The following MALL variants were observed in gnomAD, a reference collection of about 807,000 sequenced individuals.
MALL encodes the protein MAL-like protein.
A neutral mutation model predicts 10.3 loss-of-function variants in MALL; 2 were observed. The observed-to-expected ratio is 0.19, with a 90% CI of 0.08 to 0.61. MALL has a LOEUF of 0.61. Ranked by LOEUF, MALL falls within the 20% of genes least tolerant of loss-of-function variation. MALL has a pLI of 0.88. For missense variants in MALL, 39 were observed against 115.2 expected (o/e 0.34, Z 3.03); for synonymous variants, 27 against 51.8 (o/e 0.52, Z 2.05).
At chr2:110,104,154 A>G (rs1253728287) in intron 1 of MALL, among the ~76,000 whole-genome samples, 1 of 152,128 alleles carries the variant, frequency 6.6e-6, no homozygotes, top group Admixed American at 6.5e-5. Flanking sequence ...AGACAGAGAC[A>G]GCTTCATCTA....
intron 1 of MALL, among the ~76,000 whole-genome samples, chr2:110,095,811 C>T (rs1210011339): frequency 6.6e-6 from 1 of 152,036 alleles, no homozygotes; most frequent in Non-Finnish European, 1.5e-5. Context: ...GATGTTACCA[C>T]ACCAGATAGT....
At chr2:110,113,396 C>A (rs1312437889) in intron 1 of MALL, among the ~76,000 whole-genome samples, 2 of 145,776 alleles carry the variant, frequency 1.4e-5, no homozygotes, top group African/African-American at 5.1e-5. Context: ...CAAGATCGCG[C>A]CACTGCACTC....
intron 1 of MALL, among the ~76,000 whole-genome samples, chr2:110,100,749 C>A (rs996261267): frequency 6.6e-6 from 1 of 152,288 alleles, no homozygotes; most frequent in Non-Finnish European, 1.5e-5. Flanking sequence ...CCAGCACAGG[C>A]CCCAGCCTGG....
chr2:110,117,770 T>C (rs1678951486), upstream of MALL, among the ~76,000 whole-genome samples: 1 of 151,974 alleles, frequency 6.6e-6, no homozygotes, highest in African/African-American at 2.4e-5. Context: ...GCTACTTCCA[T>C]TGCCACCACC....
upstream of MALL, among the ~76,000 whole-genome samples, chr2:110,117,640 A>T (rs1406457578): frequency 2.8e-3 from 416 of 150,976 alleles, 1 homozygote; most frequent in African/African-American, 9.2e-3. Flanking sequence ...AGAGAGAGAG[A>T]GAGAGAGAGA....
intron 1 of MALL, among the ~76,000 whole-genome samples, chr2:110,113,230 G>A (rs1678843147): frequency 6.6e-6 from 1 of 151,274 alleles, no homozygotes; most frequent in South Asian, 2.1e-4. Context: ...GAGGTCAGGA[G>A]TTAGACCATC....
intron 1 of MALL, among the ~76,000 whole-genome samples, chr2:110,103,548 T>C (rs12477042): frequency 0.84 from 128,230 of 152,176 alleles, 56,462 homozygotes; most frequent in South Asian, 0.98. Flanking sequence ...GGAAAGTTCT[T>C]CAGGGAGACA....
intron 1 of MALL, among the ~76,000 whole-genome samples, chr2:110,100,827 C>T (rs764937319): frequency 2.0e-5 from 3 of 152,158 alleles, no homozygotes; most frequent in Admixed American, 6.5e-5. Flanking sequence ...GAGTGGGAGC[C>T]GCTGAGGAAG....
chr2:110,115,843 G>T, upstream of MALL: 1 of 807,580 alleles, frequency 1.2e-6, no homozygotes, highest in Non-Finnish European at 1.7e-6. Flanking sequence ...CGCGCAGCCT[G>T]TCAAATATCA....
At chr2:110,115,642 C>T in intron 1 of MALL, 46 bp downstream of exon 1, 1 of 1,121,950 alleles carries the variant, frequency 8.9e-7, no homozygotes, top group Non-Finnish European at 1.1e-6. Context: ...GGCCGGTCTC[C>T]CCCTCCCTCT....
At chr2:110,117,702 T>G (rs1348103083), upstream of MALL, among the ~76,000 whole-genome samples, 3 of 151,650 alleles carry the variant, frequency 2.0e-5, no homozygotes, top group East Asian at 3.9e-4. Context: ...AGGATCATGG[T>G]TCCTCTGATC....
At chr2:110,095,527 G>T (rs1277462195) in intron 1 of MALL, among the ~76,000 whole-genome samples, 2 of 151,788 alleles carry the variant, frequency 1.3e-5, no homozygotes, top group Non-Finnish European at 2.9e-5. Flanking sequence ...AGAACATGAA[G>T]AGCTCCTTCA....
At chr2:110,117,620 TGTGTGAGAGAGAGA>T (rs1189067280), upstream of MALL, among the ~76,000 whole-genome samples, 3 of 133,380 alleles carry the variant, frequency 2.2e-5, no homozygotes, top group South Asian at 2.5e-4. Flanking sequence ...TGTGTGTGTG[TGTGTGAGAGAGAGA>T]GAGAGAGAGA....
intron 1 of MALL, among the ~76,000 whole-genome samples, chr2:110,111,379 A>G (rs1678798544): frequency 6.6e-6 from 1 of 152,164 alleles, no homozygotes; most frequent in African/African-American, 2.4e-5. Context: ...AAGTTTCTGG[A>G]TACAAGATTA....
At chr2:110,109,977 C>A (rs1366759595) in intron 1 of MALL, among the ~76,000 whole-genome samples, 1 of 151,988 alleles carries the variant, frequency 6.6e-6, no homozygotes, top group Non-Finnish European at 1.5e-5. Flanking sequence ...AGCATTGAGT[C>A]AAAAACAAAA....
intron 1 of MALL, among the ~76,000 whole-genome samples, chr2:110,102,200 A>T (rs1444942004): frequency 6.6e-6 from 1 of 152,236 alleles, no homozygotes; most frequent in African/African-American, 2.4e-5. Context: ...CGGGTCACTT[A>T]GTTCTGGTTG....
intron 1 of MALL, among the ~76,000 whole-genome samples, chr2:110,108,189 C>A (rs1393997655): frequency 6.6e-6 from 1 of 151,968 alleles, no homozygotes; most frequent in Non-Finnish European, 1.5e-5. Flanking sequence ...AGAAGAAATC[C>A]CTGATTCACC....
At chr2:110,109,488 C>T (rs933989577) in intron 1 of MALL, among the ~76,000 whole-genome samples, 35 of 152,008 alleles carry the variant, frequency 2.3e-4, no homozygotes, top group South Asian at 4.1e-4. Flanking sequence ...AGGCCTTGTC[C>T]GACAGAAAAA....
chr2:110,107,064 G>A (rs1031904841), intron 1 of MALL, among the ~76,000 whole-genome samples: 1 of 151,724 alleles, frequency 6.6e-6, no homozygotes, highest in Non-Finnish European at 1.5e-5. Context: ...TTGTTCAGGA[G>A]GGGGTGAGGG....
Sources: allele counts gnomAD v4.1 joint callset (sites outside exome capture counted in the v4.1 genomes callset), GRCh38; gene constraint gnomAD v4.1.1; transcripts MANE v1.5; gene names NCBI Gene and HGNC (gene_info 2026-07-23, HGNC 2026-07-21).